RGS3: variants seen among roughly 807,000 people sequenced by gnomAD.
RGS3 encodes regulator of G protein signaling 3.
Under a neutral mutation model 132.6 loss-of-function variants are expected in RGS3, and 80 were observed. The observed-to-expected ratio is 0.60, with a 90% CI of 0.50 to 0.73. The LOEUF is 0.73. RGS3 is among the 30% of genes least tolerant of loss of function. RGS3 has a pLI of 0.00. For missense variants in RGS3, 1,382 were observed against 1,530.8 expected (o/e 0.90, Z 1.62); for synonymous variants, 598 against 620.6 (o/e 0.96, Z 0.54).
intron 19 of RGS3, chr9:113,580,561 C>G (rs1834741310): frequency 6.5e-6 from 1 of 153,200 alleles, no homozygotes; most frequent in South Asian, 2.1e-4. Context: ...CAGAGTTGCA[C>G]AGCTAAAAAG....
Position 113,508,656 on chromosome 9 carries a change from C to T in RGS3, c.1477+76C>T, listed in dbSNP as rs78290827. The T allele has an allele frequency of 2.6e-3, 3,933 of 1,498,148 alleles. 85 individuals carry two copies. In the African/African-American group the frequency reaches 0.048, roughly 18 times the overall value. The allele number at this position is 1,498,148 out of a possible 1,614,324, so 92.8% of individuals were successfully genotyped here. ...GTCAGCTGAGGCCTGGCCCAGCCTC[C>T]GCCCCTGAGTTCTGAGGCCTTTCCA... On this transcript the variant is annotated intron_variant, in intron 14 of 24. Coordinates refer to ENST00000350696, the Ensembl canonical transcript of RGS3.
At chr9:113,454,496 T>C (rs933303415) in intron 1 of RGS3, among the ~76,000 whole-genome samples, 3 of 151,968 alleles carry the variant, frequency 2.0e-5, no homozygotes, top group Non-Finnish European at 2.9e-5. Context: ...TAGTCCCAGC[T>C]ACTTAGCAGG....
exon 2 of RGS3, chr9:113,461,816 T>G (rs761739056): frequency 1.2e-6 from 2 of 1,614,010 alleles, no homozygotes; most frequent in African/African-American, 2.7e-5. Flanking sequence ...TAGTCTCCCC[T>G]TTGGGAGGAG....
chr9:113,587,819 C>T (rs368747933), intron 20 of RGS3, among the ~76,000 whole-genome samples: 2 of 152,262 alleles, frequency 1.3e-5, no homozygotes, highest in South Asian at 4.1e-4. Flanking sequence ...CCTGCCCCCA[C>T]TCCCCGCCAT....
intron 18 of RGS3, 140 bp downstream of exon 16, chr9:113,529,404 A>G: frequency 2.7e-6 from 2 of 748,064 alleles, no homozygotes; most frequent in South Asian, 3.2e-5. Context: ...AGGCCAGAGT[A>G]GCGGTTTTTT....
At chr9:113,530,034 C>T (rs761926756) in intron 18 of RGS3, among the ~76,000 whole-genome samples, 16 of 152,206 alleles carry the variant, frequency 1.1e-4, no homozygotes, top group African/African-American at 1.9e-4. Context: ...CACTGCAGGG[C>T]GGTGTCTGTT....
At chr9:113,475,854 C>T (rs374362772) in intron 3 of RGS3, among the ~76,000 whole-genome samples, 52 of 151,984 alleles carry the variant, frequency 3.4e-4, no homozygotes, top group South Asian at 1.7e-3. Context: ...GGGATTCAGC[C>T]CTACTTCCCC....
At chr9:113,543,316 G>A (rs372927326) in intron 19 of RGS3, among the ~76,000 whole-genome samples, 13 of 152,292 alleles carry the variant, frequency 8.5e-5, no homozygotes, top group African/African-American at 1.9e-4. Context: ...AAAAATGGTG[G>A]CCTAGAAGAG....
chr9:113,533,923 G>C (rs1245842916), intron 18 of RGS3, among the ~76,000 whole-genome samples: 2 of 152,254 alleles, frequency 1.3e-5, no homozygotes, highest in South Asian at 4.1e-4. Context: ...GGAAGCTGTT[G>C]TTAAGTAGAA....
chr9:113,470,966 A>C (rs1829810501), intron 3 of RGS3, among the ~76,000 whole-genome samples: 1 of 152,172 alleles, frequency 6.6e-6, no homozygotes, highest in Non-Finnish European at 1.5e-5. Flanking sequence ...CCCTGACTCA[A>C]AACAAACAAA....
At position 113,583,786 on chromosome 9, in the gene RGS3, C is replaced by G. The variant is rs764404440; in HGVS notation, c.2374C>G (p.Gln792Glu). ...TGCTGGTCAAGAACCCCTGCCTCACCAGGACCCTCTACTCACCAAAGACCT... is the reference window on the plus strand; with the variant it reads ...TGCTGGTCAAGAACCCCTGCCTCACGAGGACCCTCTACTCACCAAAGACCT... The change falls in exon 20 of 25, where the codon CAG (glutamine) becomes GAG (glutamate). Residue 792 changes from glutamine (Q) to glutamate (E), a missense_variant. Physicochemically the swap from Gln to Glu is conservative, Grantham distance 29. Transcript: ENST00000350696. The G allele has an allele frequency of 2.5e-6, 4 of 1,614,194 alleles. No homozygotes were observed. In the South Asian group the frequency reaches 3.3e-5, roughly 13 times the overall value.
chr9:113,488,615 A>G (rs1830410379), intron 7 of RGS3, among the ~76,000 whole-genome samples: 2 of 152,152 alleles, frequency 1.3e-5, no homozygotes, highest in South Asian at 4.1e-4. Flanking sequence ...TGGCTTTTGG[A>G]AAAGAAAATG....
At chr9:113,466,636 G>A (rs1206829843) in intron 3 of RGS3, among the ~76,000 whole-genome samples, 2 of 152,118 alleles carry the variant, frequency 1.3e-5, no homozygotes, top group African/African-American at 4.8e-5. Context: ...GATGTAATTT[G>A]AAGTCATTGT....
At chr9:113,509,554 AAGGCTGAGATATTGGTCTTG>A (rs1831309449) in intron 14 of RGS3, among the ~76,000 whole-genome samples, 3 of 152,154 alleles carry the variant, frequency 2.0e-5, no homozygotes, top group Admixed American at 6.5e-5. Flanking sequence ...TTCTCCCAGG[AAGGCTGAGATATTGGTCTTG>A]AGGCTGAAGC....
At chr9:113,589,427 G>A (rs1588298401) in intron 20 of RGS3, among the ~76,000 whole-genome samples, 1 of 152,300 alleles carries the variant, frequency 6.6e-6, no homozygotes, top group Admixed American at 6.5e-5. Context: ...GAGCTGCCCA[G>A]CCCCTCTGTC....
intron 10 of RGS3, among the ~76,000 whole-genome samples, chr9:113,503,881 A>ACT (rs1351025938): frequency 6.6e-6 from 1 of 151,470 alleles, no homozygotes; most frequent in Non-Finnish European, 1.5e-5. Flanking sequence ...AGCTTTCCAC[A>ACT]CTCGTACCCG....
chr9:113,453,206 CATTATATGATTACATAATATACTCATT>C (rs1564437960), intron 1 of RGS3, among the ~76,000 whole-genome samples: 4 of 112,898 alleles, frequency 3.5e-5, no homozygotes, highest in African/African-American at 1.4e-4. Flanking sequence ...ATAATATACT[CATTATATGATTACATAATATACTCATT>C]ATATGATTAC....
At chr9:113,523,366 ACT>A (rs983842543) in intron 17 of RGS3, among the ~76,000 whole-genome samples, 5 of 152,196 alleles carry the variant, frequency 3.3e-5, no homozygotes, top group African/African-American at 1.2e-4. Flanking sequence ...GACTGTGGGC[ACT>A]GTACTCAGCC....
intron 3 of RGS3, among the ~76,000 whole-genome samples, chr9:113,469,761 T>TATTTCTAA (rs1383562320): frequency 2.6e-5 from 4 of 152,220 alleles, no homozygotes; most frequent in Non-Finnish European, 4.4e-5. Flanking sequence ...GTTAGAAGTA[T>TATTTCTAA]ATTTCTAAAT....
Sources: allele counts gnomAD v4.1 joint callset (sites outside exome capture counted in the v4.1 genomes callset), GRCh38; gene constraint gnomAD v4.1.1; transcripts MANE v1.5; gene names NCBI Gene and HGNC (gene_info 2026-07-23, HGNC 2026-07-21).